CCDC18: variants seen among roughly 807,000 people sequenced by gnomAD.
The protein encoded by CCDC18 is coiled-coil domain containing 18, also known as coiled-coil domain-containing protein 18.
CCDC18 carries 157 observed loss-of-function variants against 196.0 expected under a neutral mutation model. The observed-to-expected ratio is 0.80, with a 90% CI of 0.70 to 0.91. The LOEUF (loss-of-function observed/expected upper bound fraction) is 0.91, where lower values mean the gene tolerates loss of function less well. Ranked by LOEUF, CCDC18 falls within the 40% of genes least tolerant of loss-of-function variation. The pLI is 0.00. For missense variants in CCDC18, 1,465 were observed against 1,611.6 expected, an observed-to-expected ratio of 0.91 and a Z score of 1.56; for synonymous variants, 482 against 529.2, an observed-to-expected ratio of 0.91 and a Z score of 1.22.
Position 93,208,542 on chromosome 1 carries a change from A to C in CCDC18, c.1209+1144A>C, listed in dbSNP as rs990439436. 4.6e-5 allele frequency among the ~76,000 whole-genome samples: 7 copies of C among 151,942 alleles called. No individual in the cohort carries two copies. The East Asian group carries it at 1.2e-3, about 25-fold the overall frequency. On this transcript the variant is annotated intron_variant, in intron 9 of 28. Transcript: ENST00000690025. ...GAACTCCTGACCTCATGATCAACCC[A>C]CCTTGGCCTCCCAAAGTGCTGGGAT...
Position 93,212,157 on chromosome 1 carries a change from C to G in CCDC18, c.1391C>G (p.Ala464Gly), listed in dbSNP as rs1360879955. The change falls in exon 11 of 29, where the codon GCA becomes GGA. Residue 464 changes from alanine to glycine, a missense_variant. Ala to Gly is a moderately conservative substitution (Grantham distance 60). Transcript: ENST00000690025. ...CAAAAGCTTCATGCAAACCTGACTG[C>G]AAATCAGTTATCTCAGAGTCTTATT... ...EIQKLHANLT[A>G]NQLSQSLITC... The G allele has an allele frequency of 3.7e-6, 6 of 1,610,590 alleles. No individual in the cohort carries two copies. The African/African-American group carries it at 6.7e-5, about 18-fold the overall frequency.
upstream of CCDC18, chr1:93,180,335 A>T: frequency 7.0e-7 from 1 of 1,422,628 alleles, no homozygotes. Context: ...TTGACAGGGA[A>T]ATCTGGAGTC....
intron 27 of CCDC18, among the ~76,000 whole-genome samples, chr1:93,268,781 T>C (rs1664887001): frequency 6.6e-6 from 1 of 151,596 alleles, no homozygotes; most frequent in Admixed American, 6.6e-5. Flanking sequence ...AAACAACAGG[T>C]GCTGGAGAGG....
chr1:93,252,787 A>C (rs995236473), intron 23 of CCDC18, among the ~76,000 whole-genome samples: 1 of 152,212 alleles, frequency 6.6e-6, no homozygotes, highest in Non-Finnish European at 1.5e-5. Flanking sequence ...CAGGAATTTA[A>C]GCAAACTGGC....
At chr1:93,243,835 T>C (rs908274954) in intron 21 of CCDC18, among the ~76,000 whole-genome samples, 6 of 152,202 alleles carry the variant, frequency 3.9e-5, no homozygotes, top group African/African-American at 7.2e-5. Flanking sequence ...TTATTGTCCA[T>C]ATTGCTATCA....
At chr1:93,222,303 A>G (rs998603483) in intron 16 of CCDC18, among the ~76,000 whole-genome samples, 1 of 152,068 alleles carries the variant, frequency 6.6e-6, no homozygotes, top group Non-Finnish European at 1.5e-5. Context: ...TAATTATTTG[A>G]TAGTTAATCA....
chr1:93,221,925 G>A lies in CCDC18; in HGVS notation c.2164G>A (p.Glu722Lys). 1 of 1,579,424 alleles carries A rather than the reference G, an allele frequency of 6.3e-7. No individual in the cohort carries two copies. Among genetic ancestry groups the A allele is most frequent in the East Asian group, 2.3e-5 (1 of 44,200 alleles). ...AGCATTACAGAACCAAGTATCTGAAGAAACAATCAAGGCTAGTATGCTAAT... is the reference window on the plus strand; with the variant it reads ...AGCATTACAGAACCAAGTATCTGAAAAAACAATCAAGGCTAGTATGCTAAT... ...LKALQNQVSE[E>K]TIKVRQLDSA... The change falls in exon 16 of 29, where the codon GAA becomes AAA. Residue 722 changes from glutamate to lysine, a missense_variant. Physicochemically the swap from Glu to Lys is moderately conservative, Grantham distance 56. Transcript: ENST00000690025.
rs1232991509 is a variant in CCDC18, at chr1:93,217,829, A to T, written c.1922A>T (p.His641Leu). The change falls in exon 14 of 29, where the codon CAC becomes CTC. Residue 641 changes from histidine to leucine, a missense_variant. By Grantham distance (99) the His-to-Leu change is moderately conservative. Coordinates refer to ENST00000690025, the MANE Select transcript of CCDC18 (RefSeq NM_001378204.1). Reference protein sequence around the residue: ...CLAFEKAKKIHLEQHKEMEKQ... With the variant: ...CLAFEKAKKILLEQHKEMEKQ... Reference sequence around the variant, plus strand: ...GCCTTTGAAAAAGCAAAGAAAATTCACTTGGAACAGCATAAAGAAATGGAA... The same window carrying T: ...GCCTTTGAAAAAGCAAAGAAAATTCTCTTGGAACAGCATAAAGAAATGGAA... The T allele has an allele frequency of 1.2e-6, 2 of 1,612,708 alleles. No homozygotes were observed. Among genetic ancestry groups the T allele is most frequent in the African/African-American group, 2.7e-5 (2 of 75,026 alleles).
chr1:93,240,295 T>C (rs374236642), intron 21 of CCDC18, among the ~76,000 whole-genome samples: 3 of 152,308 alleles, frequency 2.0e-5, no homozygotes, highest in African/African-American at 7.2e-5. Context: ...ATCACCTTTT[T>C]AATAGTTGAG....
At chr1:93,233,879 G>A (rs533366883) in intron 18 of CCDC18, among the ~76,000 whole-genome samples, 1 of 152,274 alleles carries the variant, frequency 6.6e-6, no homozygotes. Context: ...TTACAGGCGT[G>A]AGCCACTGCT....
intron 21 of CCDC18, 151 bp from the exon 22 acceptor site, chr1:93,245,954 A>G (rs1045303947): frequency 1.6e-5 from 7 of 443,990 alleles, no homozygotes; most frequent in East Asian, 1.4e-4. Flanking sequence ...TTCTTTATCT[A>G]TTATTCCTTA....
intron 23 of CCDC18, among the ~76,000 whole-genome samples, chr1:93,248,631 T>C (rs1007167578): frequency 6.6e-6 from 1 of 152,146 alleles, no homozygotes; most frequent in African/African-American, 2.4e-5. Flanking sequence ...TCTGTTTCTG[T>C]TATGTCCTTG....
chr1:93,257,157 C>T (rs893921869), intron 25 of CCDC18, among the ~76,000 whole-genome samples: 1 of 135,864 alleles, frequency 7.4e-6, no homozygotes, highest in South Asian at 2.4e-4. Context: ...GCTTGAATCC[C>T]GAAGGCAGAA....
chr1:93,223,889 TC>T, intron 16 of CCDC18, among the ~76,000 whole-genome samples: 3 of 127,652 alleles, frequency 2.4e-5, no homozygotes, highest in South Asian at 5.1e-4. Context: ...TGTTTTGATT[TC>T]ATTTATTTAT....
At chr1:93,264,666 TA>T (rs1664254892) in intron 26 of CCDC18, 34 bp from the exon 27 acceptor site, 1 of 1,312,378 alleles carries the variant, frequency 7.6e-7, no homozygotes, top group Admixed American at 2.1e-5. Flanking sequence ...TCCATTTTTT[TA>T]TTTTTTTTCT....
At chr1:93,265,809 C>T (rs917685584) in intron 27 of CCDC18, among the ~76,000 whole-genome samples, 2 of 152,148 alleles carry the variant, frequency 1.3e-5, no homozygotes, top group Non-Finnish European at 2.9e-5. Flanking sequence ...CCTTAGAGAC[C>T]TACAAAGAGA....
chr1:93,210,901 A>G lies in CCDC18; in HGVS notation c.1309A>G (p.Asn437Asp), dbSNP rs769605978. Residue 437 changes from asparagine (N) to aspartate (D), a missense_variant, in exon 10 of 29, where the codon AAT (asparagine) becomes GAT (aspartate). By Grantham distance (23) the Asn-to-Asp change is conservative (BLOSUM62 1). Transcript: ENST00000690025. ...EDRCIGCCEA[N>D]KLVISELRIK... The stretch of plus-strand genomic sequence containing the variant: ...CCGTTGCATTGGCTGCTGTGAGGCA[A>G]ATAAATTGGTGATTTCGGAATTGAG... The G allele has an allele frequency of 7.4e-6, 12 of 1,613,936 alleles. No individual in the cohort carries two copies. The highest frequency in any genetic ancestry group is 1.0e-5 in the Non-Finnish European group (12 of 1,179,870).
In CCDC18 at chr1:93,183,345, C is replaced by A. The variant is rs1280348962; in HGVS notation, c.-2-15C>A. 1.3e-6 allele frequency: 2 copies of A among 1,500,268 alleles called. No individual in the cohort carries two copies. The highest frequency in any genetic ancestry group is 1.8e-6 in the Non-Finnish European group (2 of 1,109,672). The allele number at this position is 1,500,268 out of a possible 1,614,324, so 92.9% of individuals were successfully genotyped here. A position where few individuals can be genotyped will look rare whatever the true frequency, so the allele number is the denominator to read the frequency against. On this transcript the variant is annotated splice_polypyrimidine_tract_variant and intron_variant, in intron 1 of 28. Transcript: ENST00000690025. ...TCTTTCAGACAAGGTACAAGAAATT[C>A]ATTTTTTTTTTAAGAAATGGAATCT...
chr1:93,209,622 A>G (rs563047060), intron 9 of CCDC18, among the ~76,000 whole-genome samples: 3 of 152,346 alleles, frequency 2.0e-5, no homozygotes, highest in Admixed American at 1.3e-4. Flanking sequence ...AAACTAGAAC[A>G]TAAGATCTTA....
Sources: gnomAD v4.1 joint callset for allele counts (sites outside exome capture counted in the v4.1 genomes callset) on GRCh38, gnomAD v4.1.1 for gene constraint, MANE v1.5 for transcripts, NCBI Gene and HGNC (gene_info 2026-07-23, HGNC 2026-07-21) for gene names.